Variants in MTMR8 observed in about 807,000 individuals in gnomAD.
MTMR8 encodes the protein phosphatidylinositol-3,5-bisphosphate 3-phosphatase MTMR8.
Under a neutral mutation model 39.3 loss-of-function variants are expected in MTMR8, and 65 were observed. The observed-to-expected ratio is 1.65, with a 90% confidence interval of 1.35 to 2.03. The LOEUF is 2.03. MTMR8 is among the 30% of genes most tolerant of loss of function. The pLI is 0.00. For missense variants in MTMR8, 777 were observed against 538.9 expected, an observed-to-expected ratio of 1.44 and a Z score of -4.37; for synonymous variants, 245 against 185.2, an observed-to-expected ratio of 1.32 and a Z score of -2.62.
chrX:64,326,524 T>G (rs952805602), intron 12 of MTMR8, among the ~76,000 whole-genome samples: 4 of 110,806 alleles, frequency 3.6e-5, no homozygotes, highest in African/African-American at 1.3e-4. Flanking sequence ...CTATAAAACA[T>G]TGATGGAGGA....
Position 64,300,884 on chromosome X carries a change from T to C in MTMR8, c.1481+27888A>G, listed in dbSNP as rs767702532. On this transcript the variant is annotated intron_variant, in intron 12 of 13. Transcript: ENST00000374852. ...ATTCTGGGTTGAAAATTCTTTCCTT[T>C]AAGAATGTTGAATATTGGCCTCCAC... is the stretch of plus-strand genomic sequence containing the variant. 3.4e-3 allele frequency among the ~76,000 whole-genome samples: 378 copies of C among 111,086 alleles called. 3 individuals carry two copies. The highest frequency in any genetic ancestry group is 0.012 in the African/African-American group (362 of 30,534).
chrX:64,389,881 G>T (rs1403959332), intron 1 of MTMR8, among the ~76,000 whole-genome samples: 1 of 111,665 alleles, frequency 9.0e-6, no homozygotes, highest in Non-Finnish European at 1.9e-5. Flanking sequence ...TGAATTCAAA[G>T]CCAGCTTTGT....
At chrX:64,363,590 C>A (rs750671967) in intron 1 of MTMR8, among the ~76,000 whole-genome samples, 50 of 112,291 alleles carry the variant, frequency 4.5e-4, no homozygotes, top group African/African-American at 1.4e-3. Context: ...AATTAAACTT[C>A]TTTTCTTTAA....
intron 2 of MTMR8, among the ~76,000 whole-genome samples, chrX:64,356,899 A>C (rs1923640849): frequency 9.0e-6 from 1 of 111,040 alleles, no homozygotes; most frequent in African/African-American, 3.3e-5. Context: ...GCACAAACAG[A>C]ATTTGAACCA....
chrX:64,285,535 A>G (rs1262075425), intron 12 of MTMR8, among the ~76,000 whole-genome samples: 1 of 111,794 alleles, frequency 8.9e-6, no homozygotes, highest in Non-Finnish European at 1.9e-5. Flanking sequence ...TCTCAGCACC[A>G]CACCACACCT....
intron 12 of MTMR8, among the ~76,000 whole-genome samples, chrX:64,273,108 G>A (rs971887270): frequency 8.1e-5 from 9 of 111,197 alleles, no homozygotes; most frequent in Non-Finnish European, 1.3e-4. Context: ...CAACACAGTA[G>A]CATAAAAAAG....
chrX:64,378,649 G>A (rs1025324884), intron 1 of MTMR8, among the ~76,000 whole-genome samples: 7 of 112,326 alleles, frequency 6.2e-5, no homozygotes, highest in African/African-American at 2.3e-4. Context: ...AGCAAAAGCA[G>A]TGCTTAGAAG....
chrX:64,276,441 T>C (rs1931874087), intron 12 of MTMR8, among the ~76,000 whole-genome samples: 1 of 111,648 alleles, frequency 9.0e-6, no homozygotes, highest in African/African-American at 3.3e-5. Context: ...AATTTCCCTC[T>C]AAACGCTGTG....
At chrX:64,320,715 T>C (rs1330064822) in intron 12 of MTMR8, among the ~76,000 whole-genome samples, 1 of 110,761 alleles carries the variant, frequency 9.0e-6, no homozygotes, top group South Asian at 3.9e-4. Context: ...TATCAGGGAA[T>C]GTAGGAGGTC....
intron 12 of MTMR8, among the ~76,000 whole-genome samples, chrX:64,303,906 T>C (rs1198503104): frequency 8.9e-6 from 1 of 112,446 alleles, no homozygotes; most frequent in Non-Finnish European, 1.9e-5. Context: ...GATCTTTATG[T>C]TCTCTCTGAA....
chrX:64,346,693 C>A (rs1446328596), intron 6 of MTMR8, among the ~76,000 whole-genome samples: 1 of 110,223 alleles, frequency 9.1e-6, no homozygotes, highest in Non-Finnish European at 1.9e-5. Context: ...GTTCAGGTGG[C>A]AAACTGAGAG....
chrX:64,333,880 CCT>C (rs1923005062), intron 10 of MTMR8, among the ~76,000 whole-genome samples: 1 of 111,548 alleles, frequency 9.0e-6, no homozygotes, highest in Non-Finnish European at 1.9e-5. Flanking sequence ...TTGAGATTCT[CCT>C]CTCTTATGTT....
At chrX:64,303,516 C>T (rs1035685509) in intron 12 of MTMR8, among the ~76,000 whole-genome samples, 3 of 111,939 alleles carry the variant, frequency 2.7e-5, no homozygotes, top group Non-Finnish European at 3.8e-5. Context: ...TGGTGGTTAA[C>T]GTGATATATT....
intron 12 of MTMR8, among the ~76,000 whole-genome samples, chrX:64,280,268 T>A (rs1931973107): frequency 9.0e-6 from 1 of 111,667 alleles, no homozygotes. Flanking sequence ...CAGGCCAATA[T>A]CCCTGATGAA....
At chrX:64,367,063 A>G (rs1454606548) in intron 1 of MTMR8, among the ~76,000 whole-genome samples, 1 of 112,112 alleles carries the variant, frequency 8.9e-6, no homozygotes, top group Non-Finnish European at 1.9e-5. Context: ...ACTAGGAAGA[A>G]GTTGAATCTC....
intron 6 of MTMR8, 121 bp from the exon 7 acceptor site, chrX:64,345,298 CAG>C (rs1302746606): frequency 1.5e-6 from 1 of 687,009 alleles, no homozygotes; most frequent in Non-Finnish European, 2.1e-6. Flanking sequence ...GAAGTTAAAT[CAG>C]ATGAGATACA....
At chrX:64,383,105 T>C (rs947192415) in intron 1 of MTMR8, among the ~76,000 whole-genome samples, 1 of 111,451 alleles carries the variant, frequency 9.0e-6, no homozygotes, top group Non-Finnish European at 1.9e-5. Context: ...TTCATTTGAG[T>C]CCTTACTACA....
chrX:64,344,991 A>T (rs201954149), intron 7 of MTMR8, 54 bp downstream of exon 7: 2 of 1,175,082 alleles, frequency 1.7e-6, no homozygotes. Context: ...CTTTCTGCTT[A>T]CATGATAACG....
At chrX:64,329,002 C>A in intron 11 of MTMR8, 102 bp from the exon 12 acceptor site, 1 of 806,625 alleles carries the variant, frequency 1.2e-6, no homozygotes, top group Non-Finnish European at 1.7e-6. Flanking sequence ...AATAAGTAAC[C>A]CAGCTCAAGA....
Sources: gnomAD v4.1 joint callset for allele counts (sites outside exome capture counted in the v4.1 genomes callset) on GRCh38, gnomAD v4.1.1 for gene constraint, MANE v1.5 for transcripts, NCBI Gene and HGNC (gene_info 2026-07-23, HGNC 2026-07-21) for gene names.